ACTR3: variants seen among roughly 807,000 people sequenced by gnomAD.
The protein encoded by ACTR3 is actin related protein 3, also known as actin-related protein 3.
Under a neutral mutation model 56.8 loss-of-function variants are expected in ACTR3, and 12 were observed. The ratio of observed to expected loss-of-function variants is 0.21; its 90% CI spans 0.14 to 0.34. ACTR3 has a LOEUF of 0.34. Ranked by LOEUF, ACTR3 falls within the 10% of genes least tolerant of loss-of-function variation. The pLI is 1.00. For synonymous variants in ACTR3, 162 were observed against 167.4 expected (o/e 0.97, Z 0.25); for missense variants, 282 against 512.5 (o/e 0.55, Z 4.34).
At chr2:113,912,222 C>T (rs1574358499) in intron 1 of ACTR3, among the ~76,000 whole-genome samples, 3 of 151,942 alleles carry the variant, frequency 2.0e-5, no homozygotes, top group African/African-American at 7.2e-5. Flanking sequence ...AAAGATTCTT[C>T]AGATATTAGA....
intron 10 of ACTR3, chr2:113,953,732 C>T (rs754550409): frequency 6.6e-6 from 1 of 152,108 alleles, no homozygotes; most frequent in Admixed American, 6.5e-5. Flanking sequence ...GTTCATTATC[C>T]CCAAACATTT....
At chr2:113,949,377 CAAAA>C (rs1167037648) in intron 8 of ACTR3, among the ~76,000 whole-genome samples, 5 of 57,716 alleles carry the variant, frequency 8.7e-5, no homozygotes, top group Admixed American at 6.1e-4. Context: ...GACTCGGTCT[CAAAA>C]AAAAAAAAAA....
intron 5 of ACTR3, among the ~76,000 whole-genome samples, chr2:113,933,512 A>G (rs891689484): frequency 2.7e-5 from 4 of 148,748 alleles, no homozygotes; most frequent in African/African-American, 1.0e-4. Flanking sequence ...TGTCTCAAAG[A>G]AAAAAAGAAA....
At chr2:113,891,925 G>C (rs1169006323) in intron 1 of ACTR3, among the ~76,000 whole-genome samples, 1 of 152,012 alleles carries the variant, frequency 6.6e-6, no homozygotes, top group Non-Finnish European at 1.5e-5. Flanking sequence ...TAATTGGTGA[G>C]TATTTTTATG....
intron 3 of ACTR3, among the ~76,000 whole-genome samples, chr2:113,926,786 A>G (rs6706992): frequency 0.026 from 4,035 of 152,302 alleles, 144 homozygotes; most frequent in African/African-American, 0.076. Flanking sequence ...TTTGGTGGGA[A>G]CACACCACAT....
At chr2:113,943,501 C>A (rs979595062) in intron 8 of ACTR3, among the ~76,000 whole-genome samples, 2 of 152,054 alleles carry the variant, frequency 1.3e-5, no homozygotes, top group African/African-American at 4.8e-5. Flanking sequence ...AGGTTACTCT[C>A]GCAGCATTGG....
intron 3 of ACTR3, among the ~76,000 whole-genome samples, chr2:113,926,500 T>C (rs1000244093): frequency 6.6e-6 from 1 of 152,226 alleles, no homozygotes; most frequent in African/African-American, 2.4e-5. Context: ...TTTTGGCTTG[T>C]GGTTCTGGAG....
At chr2:113,902,845 C>T (rs559826332) in intron 1 of ACTR3, among the ~76,000 whole-genome samples, 6 of 152,126 alleles carry the variant, frequency 3.9e-5, no homozygotes, top group African/African-American at 9.7e-5. Flanking sequence ...GGTGATCGCC[C>T]GCCTGGGCCT....
At position 113,946,115 on chromosome 2, in the gene ACTR3, G is replaced by A. The variant is rs1432371789; in HGVS notation, c.858+3756G>A. 2.0e-5 allele frequency among the ~76,000 whole-genome samples: 3 copies of A among 152,056 alleles called. No individual in the cohort carries two copies. In the South Asian group the frequency reaches 6.2e-4, roughly 32 times the overall value. ...CTGCAGTGAACATACATATGCATGT[G>A]CCTTTATGATAGAACAATTTATACT... On this transcript the variant is annotated intron_variant, in intron 8 of 11. Coordinates refer to ENST00000263238, the MANE Select transcript of ACTR3 (RefSeq NM_005721.5).
At chr2:113,896,873 C>G (rs1444203096) in intron 1 of ACTR3, among the ~76,000 whole-genome samples, 2 of 152,198 alleles carry the variant, frequency 1.3e-5, no homozygotes, top group Non-Finnish European at 2.9e-5. Flanking sequence ...GAGTTTAGCT[C>G]TAGCTAAATT....
At chr2:113,946,569 T>TA (rs1331527172) in intron 8 of ACTR3, among the ~76,000 whole-genome samples, 1 of 152,160 alleles carries the variant, frequency 6.6e-6, no homozygotes, top group Non-Finnish European at 1.5e-5. Flanking sequence ...TTTCCTTGTA[T>TA]ATTTATTTAA....
At chr2:113,948,678 CT>C (rs1208326621) in intron 8 of ACTR3, among the ~76,000 whole-genome samples, 2 of 152,162 alleles carry the variant, frequency 1.3e-5, no homozygotes, top group Admixed American at 6.5e-5. Context: ...CTATAAGTAA[CT>C]TTGTTTTCCA....
At chr2:113,950,176 T>C (rs1680095757) in intron 8 of ACTR3, among the ~76,000 whole-genome samples, 1 of 152,230 alleles carries the variant, frequency 6.6e-6, no homozygotes, top group Non-Finnish European at 1.5e-5. Flanking sequence ...CTGCATTTAG[T>C]ATATCATTTT....
At chr2:113,913,091 C>T (rs564398179) in intron 1 of ACTR3, 81 bp from the exon 2 acceptor site, 2 of 949,654 alleles carry the variant, frequency 2.1e-6, no homozygotes, top group African/African-American at 1.7e-5. Flanking sequence ...AATCTCACTT[C>T]ATAACAAATG....
At chr2:113,895,019 T>C (rs1390176570) in intron 1 of ACTR3, among the ~76,000 whole-genome samples, 1 of 151,992 alleles carries the variant, frequency 6.6e-6, no homozygotes. Context: ...ATTCACCTAA[T>C]TAGAGAAAAC....
chr2:113,900,187 A>AT (rs78551620), intron 1 of ACTR3, among the ~76,000 whole-genome samples: 16 of 149,714 alleles, frequency 1.1e-4, no homozygotes, highest in East Asian at 2.0e-4. Flanking sequence ...AGTCAATTTC[A>AT]TTTTTTTTTA....
At chr2:113,913,413 G>A (rs935302045) in intron 2 of ACTR3, among the ~76,000 whole-genome samples, 186 bp downstream of exon 2, 12 of 152,034 alleles carry the variant, frequency 7.9e-5, no homozygotes, top group African/African-American at 2.9e-4. Flanking sequence ...TTTATGTTTA[G>A]CTCCCCATTT....
At chr2:113,901,631 G>C (rs1679101677) in intron 1 of ACTR3, among the ~76,000 whole-genome samples, 1 of 152,198 alleles carries the variant, frequency 6.6e-6, no homozygotes, top group Non-Finnish European at 1.5e-5. Context: ...TTAAGGTTTT[G>C]GAAAGAGTTG....
chr2:113,928,157 C>T (rs1011680946), intron 4 of ACTR3, among the ~76,000 whole-genome samples: 1 of 152,250 alleles, frequency 6.6e-6, no homozygotes, highest in East Asian at 1.9e-4. Flanking sequence ...TCCCACTCCT[C>T]GCATTGTAGT....
Sources: allele counts gnomAD v4.1 joint callset (sites outside exome capture counted in the v4.1 genomes callset), GRCh38; gene constraint gnomAD v4.1.1; transcripts MANE v1.5; gene names NCBI Gene and HGNC (gene_info 2026-07-23, HGNC 2026-07-21).